The following PNO1 variants were observed in gnomAD, a reference collection of about 807,000 sequenced individuals.
PNO1 encodes the protein partner of NOB1 homolog.
A neutral mutation model predicts 28.4 loss-of-function variants in PNO1; 16 were observed. That is an observed-to-expected ratio of 0.56 (90% confidence interval 0.38 to 0.85). PNO1 has a LOEUF of 0.85. PNO1 is among the 40% of genes least tolerant of loss of function. The pLI, the probability that PNO1 is intolerant of heterozygous loss-of-function variation, is 0.00. For synonymous variants in PNO1, 115 were observed against 110.8 expected (o/e 1.04, Z -0.24); for missense variants, 304 against 312.2 (o/e 0.97, Z 0.20).
intron 5 of PNO1, among the ~76,000 whole-genome samples, chr2:68,163,119 T>C (rs867413665): frequency 1.3e-5 from 2 of 152,210 alleles, no homozygotes; most frequent in Non-Finnish European, 2.9e-5. Context: ...TTTGGGTGAA[T>C]AGATGGTCAC....
chr2:68,170,473 C>T (rs945527302), intron 5 of PNO1, among the ~76,000 whole-genome samples: 3 of 152,118 alleles, frequency 2.0e-5, no homozygotes, highest in African/African-American at 4.8e-5. Context: ...ATTGGCCGGG[C>T]GTGATGGCTC....
intron 5 of PNO1, among the ~76,000 whole-genome samples, chr2:68,164,571 G>A (rs1673925742): frequency 6.6e-6 from 1 of 152,146 alleles, no homozygotes; most frequent in African/African-American, 2.4e-5. Context: ...GCCAAGGTGG[G>A]AGGAAGGAAT....
At chr2:68,163,866 G>C (rs1250623437) in intron 5 of PNO1, among the ~76,000 whole-genome samples, 1 of 152,140 alleles carries the variant, frequency 6.6e-6, no homozygotes, top group Non-Finnish European at 1.5e-5. Context: ...CTTACTGGCA[G>C]ATGGCTCAGA....
intron 1 of PNO1, 113 bp downstream of exon 1, chr2:68,158,254 G>C: frequency 7.3e-7 from 1 of 1,370,188 alleles, no homozygotes; most frequent in Non-Finnish European, 1.0e-6. Flanking sequence ...GTGATGCTCA[G>C]AGAGAAGTGA....
chr2:68,169,810 C>G (rs894529858), intron 5 of PNO1, among the ~76,000 whole-genome samples: 26 of 152,270 alleles, frequency 1.7e-4, no homozygotes, highest in Non-Finnish European at 3.5e-4. Context: ...TAGCTCCTCT[C>G]TGGGTTTTTT....
At chr2:68,163,521 ACT>A (rs771184693) in intron 5 of PNO1, among the ~76,000 whole-genome samples, 31 of 151,382 alleles carry the variant, frequency 2.0e-4, no homozygotes, top group African/African-American at 7.3e-4. Context: ...ACAGAGTGAG[ACT>A]CTGTCTCAAA....
chr2:68,167,841 T>C (rs1674031611), intron 5 of PNO1, among the ~76,000 whole-genome samples: 1 of 152,236 alleles, frequency 6.6e-6, no homozygotes, highest in South Asian at 2.1e-4. Context: ...TCTCCAGCTT[T>C]AGATCCTTCA....
At position 68,162,609 on chromosome 2, in the gene PNO1, A is replaced by G; in HGVS notation, c.566A>G (p.Lys189Arg). Residue 189 changes from lysine (K) to arginine (R), a missense_variant, in exon 5 of 7, where the codon AAA becomes AGA. Physicochemically the swap from Lys to Arg is conservative, Grantham distance 26. Transcript: ENST00000263657. ...GGAAGAATCGCTGGCAAAGGAGGAAAAACCAAATTCACCATAGAGAATGTG... is the reference window on the plus strand; with the variant it reads ...GGAAGAATCGCTGGCAAAGGAGGAAGAACCAAATTCACCATAGAGAATGTG... ...AIGRIAGKGG[K>R]TKFTIENVTR... 2 of 1,614,022 alleles carry G rather than the reference A, an allele frequency of 1.2e-6. No homozygotes were observed. The highest frequency in any genetic ancestry group is 1.7e-6 in the Non-Finnish European group (2 of 1,179,900).
rs1673824307 is a variant in PNO1, at chr2:68,161,392, G to A, written c.358-291G>A. On this transcript the variant is annotated intron_variant, in intron 2 of 6. Coordinates refer to ENST00000263657, the MANE Select transcript of PNO1 (RefSeq NM_020143.4). ...AGGTTCTTCAGAATGGGAGAGATTGGGTTGTGCCAGAGGAGTCTTGCTGTT... is the reference window on the plus strand; with the variant it reads ...AGGTTCTTCAGAATGGGAGAGATTGAGTTGTGCCAGAGGAGTCTTGCTGTT... The A allele has an allele frequency of 4.6e-5, 21 of 459,082 alleles. 1 individual carries two copies. Among genetic ancestry groups the A allele is most frequent in the South Asian group, 3.5e-4 (19 of 54,166 alleles). The allele number at this position is 459,082 out of a possible 1,614,324, so 28.4% of individuals were successfully genotyped here.
intron 5 of PNO1, among the ~76,000 whole-genome samples, chr2:68,170,732 AG>A (rs762511502): frequency 7.7e-6 from 1 of 130,344 alleles, no homozygotes; most frequent in Non-Finnish European, 1.5e-5. Flanking sequence ...TGGGGGACAG[AG>A]CAAGACTCCG....
rs1674231129 is a variant in PNO1 at position 68,174,815 on chromosome 2, G to A, written c.*13G>A. The A allele has an allele frequency of 1.9e-6, 3 of 1,558,964 alleles. No homozygotes were observed. Among genetic ancestry groups the A allele is most frequent in the Non-Finnish European group, 2.7e-6 (3 of 1,131,328 alleles). ...AGATCGATTCTGATTTCAAGTCAGA[G>A]ACTTTTTATCTTGCCTTTGGACTCT... On this transcript the variant is annotated 3_prime_UTR_variant, in exon 7 of 7. Transcript: ENST00000263657.
intron 3 of PNO1, 132 bp downstream of exon 3, chr2:68,161,898 G>A (rs953713448): frequency 3.1e-5 from 20 of 647,214 alleles, no homozygotes; most frequent in Non-Finnish European, 4.8e-5. Context: ...ACTCTGGGAG[G>A]CTGAGGCAGG....
chr2:68,163,098 A>G lies in PNO1; in HGVS notation c.620+435A>G, dbSNP rs563706887. 9.2e-5 allele frequency among the ~76,000 whole-genome samples: 14 copies of G among 152,364 alleles called. No homozygotes were observed. In the South Asian group the frequency reaches 2.9e-3, roughly 32 times the overall value. ...TTCGAACCGTGTTAAGTTGGGAATCATCTGTATACTTTTGGGTGAATAGAT... is the reference window on the plus strand; with the variant it reads ...TTCGAACCGTGTTAAGTTGGGAATCGTCTGTATACTTTTGGGTGAATAGAT... On this transcript the variant is annotated intron_variant, in intron 5 of 6. Coordinates refer to ENST00000263657, the MANE Select transcript of PNO1 (RefSeq NM_020143.4).
chr2:68,165,387 A>AC (rs762296393), intron 5 of PNO1, among the ~76,000 whole-genome samples: 46,592 of 130,784 alleles, frequency 0.36, 9,461 homozygotes, highest in South Asian at 0.51. Context: ...AAACAACAAA[A>AC]AAAAAAAAAC....
chr2:68,168,480 G>C (rs1423766259), intron 5 of PNO1, among the ~76,000 whole-genome samples: 1 of 152,072 alleles, frequency 6.6e-6, no homozygotes, highest in African/African-American at 2.4e-5. Context: ...GGGAAGCTGG[G>C]GTCAATCTGT....
At chr2:68,170,779 T>C (rs1674113096) in intron 5 of PNO1, among the ~76,000 whole-genome samples, 1 of 148,084 alleles carries the variant, frequency 6.8e-6, no homozygotes, top group Admixed American at 6.7e-5. Flanking sequence ...AGCCAAAAAT[T>C]TCTACTGCCT....
chr2:68,161,727 T>C lies in PNO1; in HGVS notation c.402T>C (p.Ala134=). Residue 134 remains alanine, a synonymous_variant, in exon 3 of 7, where the codon GCT becomes GCC. Coordinates refer to ENST00000263657, the MANE Select transcript of PNO1 (RefSeq NM_020143.4). ...ATGTTAGTGCTCTGACAAAAGCAGC[T>C]GATTTTGTGAAAGCTTTTATTCTCG... ...TKDVSALTKA[A]DFVKAFILGF... is the part of the protein sequence containing the mutation. The C allele has an allele frequency of 6.2e-7, 1 of 1,613,494 alleles. No individual in the cohort carries two copies. The highest frequency in any genetic ancestry group is 8.5e-7 in the Non-Finnish European group (1 of 1,179,560).
rs982681197 is a variant in PNO1, at chr2:68,162,731, T to C, written c.620+68T>C. On this transcript the variant is annotated intron_variant, in intron 5 of 6. Coordinates refer to ENST00000263657, the MANE Select transcript of PNO1 (RefSeq NM_020143.4). Reference sequence around the variant, plus strand: ...TTGATCTTTTGTTTTAAGAAAGTCATAACAGTTGTATTTTATGCATAATGT... The same window carrying C: ...TTGATCTTTTGTTTTAAGAAAGTCACAACAGTTGTATTTTATGCATAATGT... The C allele has an allele frequency of 3.9e-6, 4 of 1,019,926 alleles. No homozygotes were observed. The African/African-American group carries it at 4.7e-5, about 12-fold the overall frequency. The allele number at this position is 1,019,926 out of a possible 1,614,324, so 63.2% of individuals were successfully genotyped here.
At chr2:68,164,277 C>A (rs1673917498) in intron 5 of PNO1, among the ~76,000 whole-genome samples, 1 of 152,074 alleles carries the variant, frequency 6.6e-6, no homozygotes, top group Admixed American at 6.6e-5. Context: ...ATGGCGTGAT[C>A]TCAGGAGTCT....
Sources: gnomAD v4.1 joint callset for allele counts (sites outside exome capture counted in the v4.1 genomes callset) on GRCh38, gnomAD v4.1.1 for gene constraint, MANE v1.5 for transcripts, NCBI Gene and HGNC (gene_info 2026-07-23, HGNC 2026-07-21) for gene names.